The following C7orf78 variants were observed in gnomAD, a reference collection of about 807,000 sequenced individuals.
C7orf78 encodes the protein chromosome 7 open reading frame 78.
At chr7:12,518,411 C>T in the C7orf78 span, among the ~76,000 whole-genome samples, 1 of 152,016 alleles carries the variant, frequency 6.6e-6, no homozygotes, top group Non-Finnish European at 1.5e-5. Flanking sequence ...GGTTTTCAGC[C>T]CCATGTGCAG....
the C7orf78 span, among the ~76,000 whole-genome samples, chr7:12,509,169 T>C: frequency 6.6e-6 from 1 of 152,192 alleles, no homozygotes; most frequent in East Asian, 1.9e-4. Context: ...GAATATTAGG[T>C]CATTTAATAC....
At chr7:12,507,175 C>G in the C7orf78 span, 2 of 230,884 alleles carry the variant, frequency 8.7e-6, no homozygotes, top group Non-Finnish European at 1.7e-5. Flanking sequence ...GGCATGGTGG[C>G]AGACAACTGT....
At chr7:12,540,622 C>T in the C7orf78 span, among the ~76,000 whole-genome samples, 89 of 152,310 alleles carry the variant, frequency 5.8e-4, no homozygotes, top group African/African-American at 2.1e-3. Context: ...CTGTTGCCCT[C>T]AGTTGCATGT....
At chr7:12,541,126 G>A in the C7orf78 span, 1 of 152,222 alleles carries the variant, frequency 6.6e-6, no homozygotes, top group Non-Finnish European at 1.5e-5. Flanking sequence ...ACAGGGATCA[G>A]AATCCAATCA....
At chr7:12,499,628 A>G in the C7orf78 span, among the ~76,000 whole-genome samples, 1 of 151,010 alleles carries the variant, frequency 6.6e-6, no homozygotes, top group Non-Finnish European at 1.5e-5. Context: ...CACATTAATA[A>G]TGGGAGACTT....
the C7orf78 span, among the ~76,000 whole-genome samples, chr7:12,522,396 C>A: frequency 3.8e-3 from 585 of 152,138 alleles, 4 homozygotes; most frequent in African/African-American, 0.013. Flanking sequence ...AAAGCAAATG[C>A]ATGATTCTCA....
chr7:12,488,417 T>A, the C7orf78 span, among the ~76,000 whole-genome samples: 17 of 152,066 alleles, frequency 1.1e-4, no homozygotes, highest in Non-Finnish European at 1.8e-4. Context: ...AAATCACAAA[T>A]GCAAATACAA....
At chr7:12,536,966 C>T in the C7orf78 span, among the ~76,000 whole-genome samples, 1 of 152,154 alleles carries the variant, frequency 6.6e-6, no homozygotes, top group Non-Finnish European at 1.5e-5. Context: ...AACAAGTCTC[C>T]AGGAGTTTCC....
the C7orf78 span, among the ~76,000 whole-genome samples, chr7:12,518,108 G>C: frequency 6.6e-6 from 1 of 152,142 alleles, no homozygotes. Flanking sequence ...CAGTAGTGTA[G>C]TCTCTATATG....
chr7:12,535,837 C>T, the C7orf78 span, among the ~76,000 whole-genome samples: 1 of 152,216 alleles, frequency 6.6e-6, no homozygotes, highest in Non-Finnish European at 1.5e-5. Context: ...GCACAGCAGT[C>T]AAACCTTAAA....
the C7orf78 span, among the ~76,000 whole-genome samples, chr7:12,497,491 CG>C: frequency 6.6e-6 from 1 of 151,874 alleles, no homozygotes; most frequent in Non-Finnish European, 1.5e-5. Flanking sequence ...TCGGGAAAAT[CG>C]GGTCACTCCC....
the C7orf78 span, among the ~76,000 whole-genome samples, chr7:12,511,853 A>G: frequency 7.4e-4 from 109 of 146,770 alleles, 1 homozygote; most frequent in Non-Finnish European, 1.3e-3. Flanking sequence ...CCGGGTTCAC[A>G]CCATTCTCCT....
chr7:12,523,889 T>C, the C7orf78 span, among the ~76,000 whole-genome samples: 1 of 152,208 alleles, frequency 6.6e-6, no homozygotes, highest in Admixed American at 6.5e-5. Flanking sequence ...GGGCAATAAT[T>C]AGATTTATAA....
At chr7:12,512,573 G>A in the C7orf78 span, among the ~76,000 whole-genome samples, 2 of 152,130 alleles carry the variant, frequency 1.3e-5, no homozygotes, top group African/African-American at 4.8e-5. Context: ...TTGATGTGCA[G>A]TTGGATTTGA....
At chr7:12,492,322 C>T in the C7orf78 span, among the ~76,000 whole-genome samples, 1 of 152,170 alleles carries the variant, frequency 6.6e-6, no homozygotes, top group African/African-American at 2.4e-5. Flanking sequence ...CTACCCAAGT[C>T]ATTGGGAAGC....
the C7orf78 span, among the ~76,000 whole-genome samples, chr7:12,508,739 C>T: frequency 6.6e-6 from 1 of 152,152 alleles, no homozygotes; most frequent in African/African-American, 2.4e-5. Flanking sequence ...ACAGCCACTC[C>T]CCATTGTTTA....
At chr7:12,525,751 A>G in the C7orf78 span, 400 of 393,786 alleles carry the variant, frequency 1.0e-3, 1 homozygote, top group African/African-American at 7.6e-3. Flanking sequence ...ATTAGGAAAA[A>G]TCAAACTCCA....
At chr7:12,499,980 A>G in the C7orf78 span, among the ~76,000 whole-genome samples, 83 of 119,688 alleles carry the variant, frequency 6.9e-4, 1 homozygote, top group Non-Finnish European at 1.2e-4. Flanking sequence ...CTGAATGACT[A>G]CTGGGTACAT....
chr7:12,518,557 G>A, the C7orf78 span, among the ~76,000 whole-genome samples: 2 of 152,176 alleles, frequency 1.3e-5, no homozygotes, highest in Non-Finnish European at 2.9e-5. Context: ...ACATGTGAGT[G>A]TGTGTTTGTG....
Sources: gnomAD v4.1 joint callset for allele counts (sites outside exome capture counted in the v4.1 genomes callset) on GRCh38, gnomAD v4.1.1 for gene constraint, MANE v1.5 for transcripts, NCBI Gene and HGNC (gene_info 2026-07-23, HGNC 2026-07-21) for gene names.